Variants in LRMDA observed in about 807,000 individuals in gnomAD.
LRMDA encodes leucine-rich melanocyte differentiation-associated protein.
A neutral mutation model predicts 29.8 loss-of-function variants in LRMDA; 18 were observed. The observed-to-expected ratio is 0.60, with a 90% CI of 0.42 to 0.90. The LOEUF (loss-of-function observed/expected upper bound fraction) is 0.90. Ranked by LOEUF, LRMDA falls within the 40% of genes least tolerant of loss-of-function variation. The pLI, the probability that LRMDA is intolerant of heterozygous loss-of-function variation, is 0.00. For missense variants in LRMDA, 273 were observed against 273.9 expected (o/e 1.00, Z 0.02); for synonymous variants, 125 against 109.4 (o/e 1.14, Z -0.89).
chr10:76,345,561 AAAG>A, intron 6 of LRMDA, among the ~76,000 whole-genome samples: 1 of 151,224 alleles, frequency 6.6e-6, no homozygotes, highest in Non-Finnish European at 1.5e-5. Context: ...CTTATGCATA[AAAG>A]GTGGGACAAT....
At chr10:76,171,976 A>C (rs748166875) in intron 5 of LRMDA, among the ~76,000 whole-genome samples, 1 of 152,184 alleles carries the variant, frequency 6.6e-6, no homozygotes, top group Non-Finnish European at 1.5e-5. Context: ...GGCCTCCCTC[A>C]TACTGCTCCC....
intron 5 of LRMDA, among the ~76,000 whole-genome samples, chr10:76,158,729 T>A (rs1589356587): frequency 6.6e-6 from 1 of 152,304 alleles, no homozygotes; most frequent in East Asian, 1.9e-4. Context: ...TACTGGTAGA[T>A]GTACAACTCC....
At chr10:75,889,351 A>G (rs1845444341) in intron 2 of LRMDA, among the ~76,000 whole-genome samples, 1 of 152,236 alleles carries the variant, frequency 6.6e-6, no homozygotes. Context: ...AAAAATATGA[A>G]CAGGTCCTTT....
chr10:76,262,393 A>G (rs1418317808), intron 5 of LRMDA, among the ~76,000 whole-genome samples: 1 of 152,174 alleles, frequency 6.6e-6, no homozygotes, highest in Non-Finnish European at 1.5e-5. Flanking sequence ...TATTTTCTGA[A>G]TGATTCTCCG....
intron 2 of LRMDA, among the ~76,000 whole-genome samples, chr10:75,959,794 A>G (rs992576754): frequency 1.3e-5 from 2 of 152,224 alleles, no homozygotes; most frequent in African/African-American, 4.8e-5. Flanking sequence ...GATGCTCAGT[A>G]TTCAGTATCA....
chr10:76,338,803 C>T (rs77498844), intron 6 of LRMDA, among the ~76,000 whole-genome samples: 2,974 of 152,134 alleles, frequency 0.02, 100 homozygotes, highest in African/African-American at 0.067. Context: ...ATACTGGATA[C>T]CTGCTAACAC....
intron 5 of LRMDA, among the ~76,000 whole-genome samples, chr10:76,256,964 G>C (rs1276840334): frequency 6.6e-6 from 1 of 152,156 alleles, no homozygotes; most frequent in East Asian, 1.9e-4. Context: ...AAAAATGATT[G>C]AGAGATAAAG....
intron 2 of LRMDA, among the ~76,000 whole-genome samples, chr10:75,698,337 A>G (rs908415603): frequency 1.3e-5 from 2 of 152,226 alleles, no homozygotes; most frequent in African/African-American, 4.8e-5. Context: ...CCAGCAAAGT[A>G]AGAACACTGG....
At chr10:76,025,038 G>T (rs1009987521) in intron 2 of LRMDA, among the ~76,000 whole-genome samples, 4 of 151,936 alleles carry the variant, frequency 2.6e-5, no homozygotes, top group African/African-American at 9.7e-5. Context: ...TATAGAACCC[G>T]CCAAACAAAC....
At chr10:76,553,430 C>T (rs116966219) in intron 6 of LRMDA, among the ~76,000 whole-genome samples, 59 of 152,332 alleles carry the variant, frequency 3.9e-4, no homozygotes, top group Non-Finnish European at 7.6e-4. Flanking sequence ...CGGAGTGCCT[C>T]CCCATCAAAA....
intron 6 of LRMDA, among the ~76,000 whole-genome samples, chr10:76,477,374 A>G (rs1473118696): frequency 6.6e-6 from 1 of 152,158 alleles, no homozygotes; most frequent in Non-Finnish European, 1.5e-5. Context: ...AAGGAGAACT[A>G]CAAACCACTG....
chr10:75,497,309 T>G (rs570117943), intron 2 of LRMDA, among the ~76,000 whole-genome samples: 13 of 152,232 alleles, frequency 8.5e-5, no homozygotes, highest in African/African-American at 3.1e-4. Context: ...ACTATTGAGA[T>G]TCTTCCATTG....
intron 2 of LRMDA, among the ~76,000 whole-genome samples, chr10:75,511,433 C>T (rs1166761417): frequency 3.9e-5 from 6 of 152,150 alleles, no homozygotes; most frequent in Admixed American, 2.0e-4. Context: ...ACTGTGAGCC[C>T]GTTTCCTCAG....
At chr10:76,179,350 A>G (rs1286854799) in intron 5 of LRMDA, among the ~76,000 whole-genome samples, 1 of 151,898 alleles carries the variant, frequency 6.6e-6, no homozygotes, top group East Asian at 1.9e-4. Context: ...TAGCTGGCCT[A>G]ATTCTCAAAC....
chr10:76,535,063 T>C (rs1303208327), intron 6 of LRMDA, among the ~76,000 whole-genome samples: 2 of 152,198 alleles, frequency 1.3e-5, no homozygotes, highest in African/African-American at 4.8e-5. Flanking sequence ...GCCTTGCATA[T>C]CCTCACACAG....
At chr10:76,135,886 T>G (rs965317517) in intron 5 of LRMDA, among the ~76,000 whole-genome samples, 2 of 152,164 alleles carry the variant, frequency 1.3e-5, no homozygotes, top group Non-Finnish European at 2.9e-5. Context: ...CACTCACACT[T>G]ACCTGGGGTT....
At chr10:76,180,124 G>T (rs1443067942) in intron 5 of LRMDA, among the ~76,000 whole-genome samples, 1 of 151,932 alleles carries the variant, frequency 6.6e-6, no homozygotes, top group Admixed American at 6.6e-5. Context: ...TCGATTTTGG[G>T]TAAACTTGAT....
At chr10:75,443,331 G>C (rs1045554469) in intron 2 of LRMDA, among the ~76,000 whole-genome samples, 4 of 151,954 alleles carry the variant, frequency 2.6e-5, no homozygotes, top group African/African-American at 2.4e-5. Flanking sequence ...TGTTAGCTGT[G>C]GGCTTGTCAT....
At chr10:75,691,128 A>G (rs1842146203) in intron 2 of LRMDA, among the ~76,000 whole-genome samples, 1 of 104,968 alleles carries the variant, frequency 9.5e-6, no homozygotes, top group Non-Finnish European at 1.7e-5. Context: ...CTATATACAT[A>G]GATATATAGA....
Sources: allele counts gnomAD v4.1 joint callset (sites outside exome capture counted in the v4.1 genomes callset), GRCh38; gene constraint gnomAD v4.1.1; transcripts MANE v1.5; gene names NCBI Gene and HGNC (gene_info 2026-07-23, HGNC 2026-07-21).